SYNJ1: variants seen among roughly 807,000 people sequenced by gnomAD.
SYNJ1 encodes synaptojanin 1.
In SYNJ1, 78 loss-of-function variants were observed where a neutral mutation model predicts 168.2. The observed-to-expected ratio is 0.46, with a 90% CI of 0.39 to 0.56. The LOEUF is 0.56. Ranked by LOEUF, SYNJ1 falls within the 20% of genes least tolerant of loss-of-function variation. The probability of loss-of-function intolerance (pLI) is 0.00; values close to 1 mark genes in which losing one functional copy is unlikely to be tolerated. For synonymous variants in SYNJ1, 539 were observed against 548.6 expected, an observed-to-expected ratio of 0.98 and a Z score of 0.24; for missense variants, 1,303 against 1,597.6, an observed-to-expected ratio of 0.82 and a Z score of 3.14.
intron 18 of SYNJ1, among the ~76,000 whole-genome samples, chr21:32,659,171 T>C (rs752531254): frequency 2.9e-4 from 44 of 150,832 alleles, no homozygotes; most frequent in Non-Finnish European, 5.3e-4. Context: ...AAAAGTCAGA[T>C]GACATAGAAA....
intron 2 of SYNJ1, among the ~76,000 whole-genome samples, chr21:32,704,542 C>T (rs574624786): frequency 3.9e-5 from 6 of 152,124 alleles, no homozygotes; most frequent in African/African-American, 7.2e-5. Context: ...GGGAAAAGGG[C>T]GTCCACTTGT....
intron 18 of SYNJ1, among the ~76,000 whole-genome samples, chr21:32,662,015 T>C (rs1232389428): frequency 6.6e-6 from 1 of 152,066 alleles, no homozygotes; most frequent in Admixed American, 6.5e-5. Context: ...GCGGCCACAG[T>C]GGAAAAGACC....
intron 10 of SYNJ1, among the ~76,000 whole-genome samples, chr21:32,681,886 A>G (rs2041638949): frequency 6.6e-6 from 1 of 152,188 alleles, no homozygotes; most frequent in Admixed American, 6.5e-5. Context: ...GTTAAATGAT[A>G]AAATTTATCT....
intron 6 of SYNJ1, among the ~76,000 whole-genome samples, chr21:32,690,854 G>A (rs753173045): frequency 6.6e-6 from 1 of 152,186 alleles, no homozygotes; most frequent in Non-Finnish European, 1.5e-5. Flanking sequence ...GCCGGGAGGC[G>A]GAGGTTGCGG....
At chr21:32,728,166 T>C, upstream of SYNJ1, 1 of 1,183,856 alleles carries the variant, frequency 8.4e-7, no homozygotes, top group Non-Finnish European at 1.1e-6. Context: ...CCAGCCTCAG[T>C]CTCCAGCTAC....
At chr21:32,632,842 A>G (rs2039399287) in intron 32 of SYNJ1, among the ~76,000 whole-genome samples, 1 of 152,108 alleles carries the variant, frequency 6.6e-6, no homozygotes, top group South Asian at 2.1e-4. Flanking sequence ...CAACATAATG[A>G]AACCTGTCTC....
chr21:32,711,051 A>C (rs1294481964), intron 2 of SYNJ1, among the ~76,000 whole-genome samples: 1 of 152,216 alleles, frequency 6.6e-6, no homozygotes, highest in African/African-American at 2.4e-5. Context: ...AACTTAATTC[A>C]GATAACTCAA....
chr21:32,641,824 G>T (rs1601243610), intron 29 of SYNJ1, 72 bp downstream of exon 29: 2 of 1,158,080 alleles, frequency 1.7e-6, no homozygotes, highest in East Asian at 5.2e-5. Context: ...TTTCTCCAAG[G>T]TAACAAAACT....
chr21:32,684,119 T>C lies in SYNJ1; in HGVS notation c.1119A>G (p.Arg373=). The change falls in exon 10 of 33, where the codon AGA becomes AGG. Residue 373 remains arginine (R), a splice_region_variant and synonymous_variant. Coordinates refer to ENST00000674351, the MANE Select transcript of SYNJ1 (RefSeq NM_203446.3). The part of the protein sequence containing the change: ...FFYFNGSEVQ[R]CQSGTVRTNC... ...TTGTTCGAACTGTACCACTCTGGCA[T>C]CTGTAACCAATAAAGTTAAATATCC... 1 of 1,612,978 alleles carries C rather than the reference T, an allele frequency of 6.2e-7. No homozygotes were observed. Among genetic ancestry groups the C allele is most frequent in the Non-Finnish European group, 8.5e-7 (1 of 1,179,234 alleles).
At position 32,629,224 on chromosome 21, in the gene SYNJ1, G is replaced by C. The variant is rs989276703; in HGVS notation, c.*2581C>G. ...AACAATGAATTATTTTGCTAATGGAGAGCAAATACCATATACACTAGTCAC... is the reference window on the plus strand; with the variant it reads ...AACAATGAATTATTTTGCTAATGGACAGCAAATACCATATACACTAGTCAC... On this transcript the variant is annotated 3_prime_UTR_variant, in exon 33 of 33. Coordinates refer to ENST00000674351, the MANE Select transcript of SYNJ1 (RefSeq NM_203446.3). The C allele has an allele frequency of 1.3e-5, 2 of 152,616 alleles. No individual in the cohort carries two copies. Among genetic ancestry groups the C allele is most frequent in the Non-Finnish European group, 2.9e-5 (2 of 68,028 alleles). 9.5% of individuals were successfully genotyped at this position (152,616 alleles called of 1,614,324 possible).
In SYNJ1 at chr21:32,695,019, T is replaced by C. The variant is rs773629232; in HGVS notation, c.705+38A>G. 3 of 1,545,598 alleles carry C rather than the reference T, an allele frequency of 1.9e-6. No homozygotes were observed. The South Asian group carries it at 3.6e-5, about 18-fold the overall frequency. ...TCTAGTATTTTCTGTGCTTCTCCTA[T>C]AATAAATTAATTAAGTAATATAAAA... On this transcript the variant is annotated intron_variant, in intron 5 of 32. Coordinates refer to ENST00000674351, the MANE Select transcript of SYNJ1 (RefSeq NM_203446.3).
chr21:32,714,676 A>G (rs1714341639), intron 2 of SYNJ1, among the ~76,000 whole-genome samples: 1 of 152,208 alleles, frequency 6.6e-6, no homozygotes, highest in African/African-American at 2.4e-5. Flanking sequence ...GTTTGAGGAT[A>G]TGCAGTGGTT....
intron 26 of SYNJ1, among the ~76,000 whole-genome samples, chr21:32,644,638 C>T (rs1483366314): frequency 1.3e-5 from 2 of 152,126 alleles, no homozygotes; most frequent in Non-Finnish European, 2.9e-5. Context: ...AATCCAAAAG[C>T]TTTTCCACTA....
intron 6 of SYNJ1, among the ~76,000 whole-genome samples, chr21:32,692,041 G>A (rs903226283): frequency 6.6e-6 from 1 of 152,180 alleles, no homozygotes; most frequent in Non-Finnish European, 1.5e-5. Context: ...GTAGGAAGCA[G>A]GGCCTAGAGG....
chr21:32,649,716 G>A (rs112413696), intron 23 of SYNJ1, among the ~76,000 whole-genome samples: 3 of 152,132 alleles, frequency 2.0e-5, no homozygotes, highest in Non-Finnish European at 2.9e-5. Context: ...TAAAGTATAC[G>A]CAAAATAAAC....
intron 6 of SYNJ1, among the ~76,000 whole-genome samples, chr21:32,690,055 C>T (rs1456833403): frequency 6.6e-6 from 1 of 152,328 alleles, no homozygotes; most frequent in East Asian, 1.9e-4. Flanking sequence ...TTGCATAGTA[C>T]TGCAACGGTG....
intron 22 of SYNJ1, among the ~76,000 whole-genome samples, chr21:32,652,904 G>A (rs902337388): frequency 1.3e-5 from 2 of 152,188 alleles, no homozygotes; most frequent in Non-Finnish European, 2.9e-5. Context: ...TAGGAATAAT[G>A]AGCACCTCTC....
chr21:32,639,092 T>C lies in SYNJ1; in HGVS notation c.3731A>G (p.Gln1244Arg), dbSNP rs1433144421. 6.2e-7 allele frequency: 1 copy of C among 1,613,884 alleles called. No homozygotes were observed. The highest frequency in any genetic ancestry group is 1.1e-5 in the South Asian group (1 of 91,042). ...AGAAGACTGCGGAGGAAAAGCAGCC[T>C]GAGGCTTCAGTGGTTCAGGAAGGAA... The part of the protein sequence containing the change: ...STFLPEPLKP[Q>R]AAFPPQSSLP... Residue 1244 changes from glutamine (Q) to arginine (R), a missense_variant, in exon 31 of 33, where the codon CAG (glutamine) becomes CGG (arginine). By Grantham distance (43) the Gln-to-Arg change is conservative. This residue lies in a region of SYNJ1 where 383 missense variants were observed against 388.8 expected (regional missense o/e 0.99). Coordinates refer to ENST00000674351, the MANE Select transcript of SYNJ1 (RefSeq NM_203446.3).
chr21:32,676,725 T>C (rs1376997535), intron 12 of SYNJ1, among the ~76,000 whole-genome samples: 8 of 152,218 alleles, frequency 5.3e-5, no homozygotes. Context: ...ATATGGAAGA[T>C]ACTGCCCTAA....
Sources: allele counts gnomAD v4.1 joint callset (sites outside exome capture counted in the v4.1 genomes callset), GRCh38; gene constraint gnomAD v4.1.1; regional missense constraint gnomAD v4.1.1; transcripts MANE v1.5; gene names NCBI Gene and HGNC (gene_info 2026-07-23, HGNC 2026-07-21).